Variants in LRRC4C observed in about 807,000 individuals in gnomAD.
LRRC4C encodes leucine-rich repeat-containing protein 4C.
Under a neutral mutation model 33.6 loss-of-function variants are expected in LRRC4C, and 5 were observed. The ratio of observed to expected loss-of-function variants is 0.15; its 90% CI spans 0.08 to 0.31. LRRC4C has a LOEUF of 0.31. Among genes scored for constraint, LRRC4C ranks in the 10% least tolerant of loss-of-function variants. The pLI is 1.00. For synonymous variants in LRRC4C, 329 were observed against 302.0 expected (o/e 1.09, Z -0.93); for missense variants, 560 against 796.7 (o/e 0.70, Z 3.58).
intron 1 of LRRC4C, among the ~76,000 whole-genome samples, chr11:40,939,168 T>C (rs925398369): frequency 8.5e-5 from 13 of 152,194 alleles, no homozygotes. Flanking sequence ...TACTAAATGA[T>C]GCTTTTATAT....
At chr11:40,759,416 G>A (rs1304472890) in intron 2 of LRRC4C, among the ~76,000 whole-genome samples, 1 of 151,590 alleles carries the variant, frequency 6.6e-6, no homozygotes, top group Non-Finnish European at 1.5e-5. Context: ...CCTAAACCAT[G>A]TGACATCAAA....
chr11:40,342,487 C>CAAAGA (rs1423954357), intron 3 of LRRC4C, among the ~76,000 whole-genome samples: 1 of 151,740 alleles, frequency 6.6e-6, no homozygotes, highest in Non-Finnish European at 1.5e-5. Flanking sequence ...AACAAACAAA[C>CAAAGA]AAAGAAAAGA....
intron 3 of LRRC4C, among the ~76,000 whole-genome samples, chr11:40,629,281 T>C (rs557933137): frequency 2.0e-5 from 3 of 152,156 alleles, no homozygotes; most frequent in Non-Finnish European, 4.4e-5. Context: ...TATTCCCCTT[T>C]CTTGCTAACA....
At chr11:40,553,503 A>G (rs1957210205) in intron 3 of LRRC4C, among the ~76,000 whole-genome samples, 1 of 152,176 alleles carries the variant, frequency 6.6e-6, no homozygotes, top group Admixed American at 6.5e-5. Flanking sequence ...TAGAAACTAT[A>G]TTAGCGTAAA....
At chr11:41,260,680 G>C (rs978852201) in intron 1 of LRRC4C, among the ~76,000 whole-genome samples, 5 of 151,924 alleles carry the variant, frequency 3.3e-5, no homozygotes, top group African/African-American at 1.2e-4. Flanking sequence ...CAAGGAAAAA[G>C]ATAATGGGGA....
rs867953297 is a variant in LRRC4C, at chr11:40,987,632, T to G, written c.-495-53909A>C. Among the ~76,000 whole-genome samples, 19 of 82,626 alleles carry G rather than the reference T, an allele frequency of 2.3e-4. 1 individual carries two copies. Among genetic ancestry groups the G allele is most frequent in the East Asian group, 4.4e-4 (1 of 2,292 alleles). The allele number at this position is 82,626 out of a possible 152,430, so 54.2% of individuals were successfully genotyped here. The stretch of plus-strand genomic sequence containing the variant: ...CTCTGCAGGTACAAGTGGGTAATGA[T>G]ATATATATATATATATATATCTCAT... On this transcript the variant is annotated intron_variant, in intron 1 of 6. Transcript: ENST00000528697.
intron 3 of LRRC4C, among the ~76,000 whole-genome samples, chr11:40,559,610 G>A (rs1957468994): frequency 6.6e-6 from 1 of 152,150 alleles, no homozygotes; most frequent in Non-Finnish European, 1.5e-5. Flanking sequence ...TTCCACAATA[G>A]CTGAACTAAT....
chr11:41,347,141 G>A (rs749428770), intron 1 of LRRC4C, among the ~76,000 whole-genome samples: 7 of 152,078 alleles, frequency 4.6e-5, no homozygotes, highest in Non-Finnish European at 1.0e-4. Flanking sequence ...CCTTCCACAC[G>A]TTATGGTAGT....
chr11:40,909,895 A>G (rs1042369266), intron 2 of LRRC4C, among the ~76,000 whole-genome samples: 3 of 152,216 alleles, frequency 2.0e-5, no homozygotes, highest in African/African-American at 7.2e-5. Context: ...ATGACAAGCC[A>G]CACTTTTAGT....
At chr11:41,189,942 A>C (rs1022975417) in intron 1 of LRRC4C, among the ~76,000 whole-genome samples, 5 of 152,198 alleles carry the variant, frequency 3.3e-5, no homozygotes, top group Admixed American at 2.0e-4. Context: ...TGCTAGCCAC[A>C]CTTATTGGGT....
intron 3 of LRRC4C, among the ~76,000 whole-genome samples, chr11:40,527,756 A>ATT (rs74970166): frequency 6.7e-5 from 10 of 148,674 alleles, no homozygotes; most frequent in African/African-American, 2.2e-4. Context: ...TTAGAAGATA[A>ATT]TTTTTTTTTT....
rs893191264 is a variant in LRRC4C at position 41,292,969 on chromosome 11, C to G, written c.-496+166462G>C. On this transcript the variant is annotated intron_variant, in intron 1 of 6. Coordinates refer to ENST00000528697, the MANE Select transcript of LRRC4C (RefSeq NM_001258419.2). ...CCTCAGGAATACCATTACTCCATTA[C>G]TTATAATATTGAAAAAATGGTTTAA... 1.6e-4 allele frequency among the ~76,000 whole-genome samples: 25 copies of G among 151,980 alleles called. 1 individual carries two copies.
chr11:40,832,846 A>G (rs1952481352), intron 2 of LRRC4C, among the ~76,000 whole-genome samples: 1 of 152,190 alleles, frequency 6.6e-6, no homozygotes, highest in South Asian at 2.1e-4. Context: ...TAAAAAAGTT[A>G]TAATGCTATG....
chr11:41,015,796 G>T (rs945904814), intron 1 of LRRC4C, among the ~76,000 whole-genome samples: 8 of 152,068 alleles, frequency 5.3e-5, no homozygotes, highest in African/African-American at 1.9e-4. Flanking sequence ...TTTCTTGTTT[G>T]CAACAGCATA....
chr11:40,984,992 C>T (rs1026786431), intron 1 of LRRC4C, among the ~76,000 whole-genome samples: 1 of 144,454 alleles, frequency 6.9e-6, no homozygotes, highest in South Asian at 2.3e-4. Flanking sequence ...ACCTCCGTCT[C>T]CCAGGTTCAA....
At chr11:40,242,593 A>G (rs1051082586) in intron 4 of LRRC4C, among the ~76,000 whole-genome samples, 1 of 152,194 alleles carries the variant, frequency 6.6e-6, no homozygotes, top group African/African-American at 2.4e-5. Flanking sequence ...CAAAGTCCCT[A>G]GTAATTAAGC....
At chr11:40,824,837 C>T (rs544508459) in intron 2 of LRRC4C, among the ~76,000 whole-genome samples, 1 of 151,926 alleles carries the variant, frequency 6.6e-6, no homozygotes, top group South Asian at 2.1e-4. Flanking sequence ...CTCCTCTTGG[C>T]GACAGAGAGA....
intron 2 of LRRC4C, among the ~76,000 whole-genome samples, chr11:40,708,525 G>T (rs900949028): frequency 1.3e-5 from 2 of 152,184 alleles, no homozygotes; most frequent in Non-Finnish European, 2.9e-5. Context: ...GTGTGGTTTT[G>T]AGTGAGTTTC....
chr11:40,545,514 T>C (rs908068977), intron 3 of LRRC4C, among the ~76,000 whole-genome samples: 4 of 151,838 alleles, frequency 2.6e-5, no homozygotes, highest in Admixed American at 2.0e-4. Context: ...GAAGGGAAAG[T>C]ATAGGTTAAG....
Sources: allele counts gnomAD v4.1 joint callset (sites outside exome capture counted in the v4.1 genomes callset), GRCh38; gene constraint gnomAD v4.1.1; transcripts MANE v1.5; gene names NCBI Gene and HGNC (gene_info 2026-07-23, HGNC 2026-07-21).